The following ATP8A2 variants were observed in gnomAD, a reference collection of about 807,000 sequenced individuals.
ATP8A2 encodes phospholipid-transporting ATPase IB.
In ATP8A2, 100 loss-of-function variants were observed where a neutral mutation model predicts 165.6. The observed-to-expected ratio is 0.60, with a 90% CI of 0.51 to 0.71. The LOEUF is 0.71. Ranked by LOEUF, ATP8A2 falls within the 30% of genes least tolerant of loss-of-function variation. ATP8A2 has a pLI of 0.00. For missense variants in ATP8A2, 1,227 were observed against 1,479.5 expected (o/e 0.83, Z 2.80); for synonymous variants, 543 against 548.8 (o/e 0.99, Z 0.15).
At position 25,577,109 on chromosome 13, in the gene ATP8A2, G is replaced by A; in HGVS notation, c.1753G>A (p.Gly585Arg). The A allele has an allele frequency of 6.2e-7, 1 of 1,613,970 alleles. No homozygotes were observed. Among genetic ancestry groups the A allele is most frequent in the East Asian group, 2.2e-5 (1 of 44,860 alleles). The change falls in exon 20 of 37, where the codon GGA (glycine) becomes AGA (arginine). Residue 585 changes from glycine to arginine, a missense_variant. Physicochemically the swap from Gly to Arg is moderately radical, Grantham distance 125. This residue lies in a region of ATP8A2 where 592 missense variants were observed against 785.6 expected (regional missense o/e 0.75). Coordinates refer to ENST00000381655, the MANE Select transcript of ATP8A2 (RefSeq NM_016529.6). ...RMSVIVRTPS[G>R]RLRLYCKGAD... ...GTCTGTAATTGTTCGAACTCCTTCA[G>A]GACGACTTCGGCTTTACTGTAAAGG...
intron 1 of ATP8A2, among the ~76,000 whole-genome samples, chr13:25,434,400 G>C (rs1028075260): frequency 4.6e-5 from 7 of 151,978 alleles, no homozygotes; most frequent in Admixed American, 4.6e-4. Context: ...GCAGGTTGGA[G>C]TGCAAAGGCG....
intron 33 of ATP8A2, among the ~76,000 whole-genome samples, chr13:25,907,368 TAAAATAAAA>T (rs1953972718): frequency 1.3e-5 from 1 of 76,966 alleles, no homozygotes; most frequent in Non-Finnish European, 2.8e-5. Flanking sequence ...AATAAAAAAA[TAAAATAAAA>T]TAAAATAAAA....
At position 25,956,346 on chromosome 13, in the gene ATP8A2, G is replaced by A. The variant is rs563048331; in HGVS notation, c.3184-5229G>A. 1.9e-4 allele frequency among the ~76,000 whole-genome samples: 29 copies of A among 152,298 alleles called. 1 individual carries two copies. The South Asian group carries it at 5.8e-3, about 31-fold the overall frequency. On this transcript the variant is annotated intron_variant, in intron 33 of 36. Coordinates refer to ENST00000381655, the MANE Select transcript of ATP8A2 (RefSeq NM_016529.6). ...AGTCAGATTGTCTCTGTTTGCACAT[G>A]ACATGATTGTATATTTAGAAAACCC...
Position 25,558,994 on chromosome 13 carries a change from A to G in ATP8A2, c.1285A>G (p.Lys429Glu). The G allele has an allele frequency of 6.2e-7, 1 of 1,611,016 alleles. No homozygotes were observed. The highest frequency in any genetic ancestry group is 8.5e-7 in the Non-Finnish European group (1 of 1,178,508). ...TTAGGTGAAATATCTCTTTTCTGACAAGACTGGAACGCTTACATGCAATAT... is the reference window on the plus strand; with the variant it reads ...TTAGGTGAAATATCTCTTTTCTGACGAGACTGGAACGCTTACATGCAATAT... ...LGQVKYLFSD[K>E]TGTLTCNIMN... Residue 429 changes from lysine (K) to glutamate (E), a missense_variant, in exon 14 of 37, where the codon AAG (lysine) becomes GAG (glutamate). This residue lies in a region of ATP8A2 where 592 missense variants were observed against 785.6 expected (regional missense o/e 0.75). Transcript: ENST00000381655.
At chr13:25,645,339 T>C (rs1433903669) in intron 24 of ATP8A2, among the ~76,000 whole-genome samples, 1 of 152,148 alleles carries the variant, frequency 6.6e-6, no homozygotes, top group Non-Finnish European at 1.5e-5. Flanking sequence ...TCCCCCTGGG[T>C]CCCTCCCACA....
intron 36 of ATP8A2, among the ~76,000 whole-genome samples, chr13:26,015,498 A>C (rs1956949370): frequency 6.6e-6 from 1 of 152,194 alleles, no homozygotes; most frequent in African/African-American, 2.4e-5. Context: ...GCTATTAGGA[A>C]TCTTTCCAGA....
At chr13:25,895,938 G>C (rs1442691144) in intron 33 of ATP8A2, among the ~76,000 whole-genome samples, 1 of 151,852 alleles carries the variant, frequency 6.6e-6, no homozygotes, top group Non-Finnish European at 1.5e-5. Context: ...TTCTTTATTA[G>C]TCTTGCTAGC....
chr13:26,018,069 T>G (rs147824977), intron 36 of ATP8A2, among the ~76,000 whole-genome samples: 1 of 152,236 alleles, frequency 6.6e-6, no homozygotes, highest in Non-Finnish European at 1.5e-5. Context: ...CTCTTCCTCC[T>G]GTGGCCTCAC....
intron 27 of ATP8A2, among the ~76,000 whole-genome samples, chr13:25,791,608 C>G (rs2045180857): frequency 2.0e-5 from 3 of 150,698 alleles, no homozygotes; most frequent in East Asian, 3.9e-4. Context: ...GTCCACTCTG[C>G]CTGGAAGTTG....
rs371963146 is a variant in ATP8A2, at chr13:25,833,786, G to A, written c.2755-3377G>A. Among the ~76,000 whole-genome samples, 14 of 152,250 alleles carry A rather than the reference G, an allele frequency of 9.2e-5. No individual in the cohort carries two copies. In the East Asian group the frequency reaches 2.3e-3, roughly 25 times the overall value. On this transcript the variant is annotated intron_variant, in intron 28 of 36. Coordinates refer to ENST00000381655, the MANE Select transcript of ATP8A2 (RefSeq NM_016529.6). The stretch of plus-strand genomic sequence containing the variant: ...TCATGGAAGAGTAACTTCTGTAGCC[G>A]CAATTGGACATGCAGAAGCATTTCT...
intron 1 of ATP8A2, among the ~76,000 whole-genome samples, chr13:25,418,115 T>C (rs2034186884): frequency 1.3e-5 from 2 of 152,178 alleles, no homozygotes; most frequent in South Asian, 4.1e-4. Flanking sequence ...AGGAAGCCCA[T>C]TAATTCTCCC....
intron 2 of ATP8A2, 129 bp downstream of exon 2, chr13:25,469,250 C>G: frequency 8.5e-7 from 1 of 1,180,524 alleles, no homozygotes; most frequent in South Asian, 1.5e-5. Context: ...CCTTCCCCTG[C>G]CCCCTCCCCA....
chr13:25,806,658 G>A (rs1366893713), intron 27 of ATP8A2, among the ~76,000 whole-genome samples: 1 of 152,092 alleles, frequency 6.6e-6, no homozygotes, highest in Non-Finnish European at 1.5e-5. Flanking sequence ...CAGGTTTTTT[G>A]TATAGAAATA....
At chr13:25,583,212 T>G (rs1347629382) in intron 23 of ATP8A2, among the ~76,000 whole-genome samples, 4 of 152,250 alleles carry the variant, frequency 2.6e-5, no homozygotes, top group African/African-American at 9.6e-5. Context: ...TATTTCTGTA[T>G]AAGTATATAC....
rs1399955445 is a variant in ATP8A2, at chr13:25,712,289, TCTG to T, written c.2384+12946_2384+12948del. Among the ~76,000 whole-genome samples, 18 of 152,216 alleles carry T rather than the reference TCTG, an allele frequency of 1.2e-4. 1 individual carries two copies. Among genetic ancestry groups the T allele is most frequent in the Non-Finnish European group, 2.4e-4 (16 of 68,048 alleles). On this transcript the variant is annotated intron_variant, in intron 25 of 36. Coordinates refer to ENST00000381655, the MANE Select transcript of ATP8A2 (RefSeq NM_016529.6). The stretch of plus-strand genomic sequence containing the variant: ...AGGAATTCTTCTACCTATCTCTCAG[TCTG>T]CACAGTACCATGAGGGTCTTCATCT...
chr13:25,405,526 C>T lies in ATP8A2; in HGVS notation c.76+33238C>T, dbSNP rs749817637. ...GTATCCTCCCTCGCTTCGGACCTCT[C>T]TCCTTGGGGTACTCCCAGCGTGCTC... is the stretch of plus-strand genomic sequence containing the variant. On this transcript the variant is annotated intron_variant, in intron 1 of 36. Transcript: ENST00000381655. Among the ~76,000 whole-genome samples, 45 of 152,138 alleles carry T rather than the reference C, an allele frequency of 3.0e-4. 1 individual carries two copies. The highest frequency in any genetic ancestry group is 1.3e-4 in the Admixed American group (2 of 15,282).
chr13:25,721,041 G>A (rs2043369999), intron 25 of ATP8A2, among the ~76,000 whole-genome samples: 3 of 147,110 alleles, frequency 2.0e-5, no homozygotes, highest in Non-Finnish European at 3.0e-5. Context: ...TCTGTACCTC[G>A]AACTCCTAGG....
At chr13:25,818,386 A>G (rs991514651) in intron 27 of ATP8A2, among the ~76,000 whole-genome samples, 1 of 152,216 alleles carries the variant, frequency 6.6e-6, no homozygotes, top group African/African-American at 2.4e-5. Context: ...AGCCATAAAT[A>G]CTGATTTGAT....
intron 33 of ATP8A2, among the ~76,000 whole-genome samples, chr13:25,931,605 G>A (rs1181997): frequency 0.016 from 2,458 of 152,216 alleles, 55 homozygotes; most frequent in African/African-American, 0.054. Flanking sequence ...TGCTCTGCCC[G>A]TCGTGAGGCT....
Sources: allele counts gnomAD v4.1 joint callset (sites outside exome capture counted in the v4.1 genomes callset), GRCh38; gene constraint gnomAD v4.1.1; regional missense constraint gnomAD v4.1.1; transcripts MANE v1.5; gene names NCBI Gene and HGNC (gene_info 2026-07-23, HGNC 2026-07-21).